Variants in MAGI1 observed in about 807,000 individuals in gnomAD.
The protein encoded by MAGI1 is membrane associated guanylate kinase, WW and PDZ domain containing 1.
In MAGI1, 58 loss-of-function variants were observed where a neutral mutation model predicts 139.9. That is an observed-to-expected ratio of 0.41 (90% confidence interval 0.34 to 0.52). MAGI1 has a LOEUF of 0.52. Ranked by LOEUF, MAGI1 falls within the 20% of genes least tolerant of loss-of-function variation. The pLI is 0.12. For synonymous variants in MAGI1, 812 were observed against 737.9 expected, an observed-to-expected ratio of 1.10 and a Z score of -1.63; for missense variants, 1,874 against 1,901.6, an observed-to-expected ratio of 0.99 and a Z score of 0.27.
At chr3:65,362,044 A>G (rs1418036747) in intron 21 of MAGI1, among the ~76,000 whole-genome samples, 1 of 152,230 alleles carries the variant, frequency 6.6e-6, no homozygotes, top group Non-Finnish European at 1.5e-5. Context: ...TCCCCACTCA[A>G]ATAGAGCTTA....
chr3:65,648,317 G>GTGCA (rs58201262), intron 1 of MAGI1, among the ~76,000 whole-genome samples: 3 of 130,748 alleles, frequency 2.3e-5, no homozygotes, highest in African/African-American at 1.2e-4. Flanking sequence ...GTGTGTGTGT[G>GTGCA]CGCGTGCGCG....
In MAGI1 at chr3:65,990,055, G is replaced by A. The variant is rs576198763; in HGVS notation, c.313+47941C>T. 5.9e-5 allele frequency among the ~76,000 whole-genome samples: 9 copies of A among 152,284 alleles called. No individual in the cohort carries two copies. The East Asian group carries it at 1.7e-3, about 29-fold the overall frequency. On this transcript the variant is annotated intron_variant, in intron 1 of 22. Transcript: ENST00000402939. ...AGTTCAAGAATGACTAAAGTCTAGA[G>A]ATCTGATGATGATGATGATGATAAT...
At chr3:66,020,128 T>A (rs947517779) in intron 1 of MAGI1, among the ~76,000 whole-genome samples, 2 of 152,214 alleles carry the variant, frequency 1.3e-5, no homozygotes, top group Non-Finnish European at 2.9e-5. Context: ...CGTTTGCCCC[T>A]GTTATCCATC....
At chr3:65,365,993 C>T (rs190338146) in intron 18 of MAGI1, among the ~76,000 whole-genome samples, 40 of 152,144 alleles carry the variant, frequency 2.6e-4, no homozygotes, top group Non-Finnish European at 4.6e-4. Flanking sequence ...AGCTTTGGTC[C>T]GGCTTCCTGT....
intron 1 of MAGI1, among the ~76,000 whole-genome samples, chr3:65,973,196 C>A (rs1002231253): frequency 6.6e-6 from 1 of 151,950 alleles, no homozygotes; most frequent in African/African-American, 2.4e-5. Context: ...AAATAAAAGG[C>A]AATTTGTTCT....
At chr3:65,830,670 T>C (rs1330653420) in intron 1 of MAGI1, among the ~76,000 whole-genome samples, 2 of 114,382 alleles carry the variant, frequency 1.7e-5, no homozygotes, top group African/African-American at 2.6e-5. Flanking sequence ...CAGTATTATA[T>C]TATGCAATCT....
chr3:65,693,506 T>C (rs2088862468), intron 1 of MAGI1, among the ~76,000 whole-genome samples: 1 of 152,120 alleles, frequency 6.6e-6, no homozygotes, highest in Non-Finnish European at 1.5e-5. Context: ...CTAAAGACAC[T>C]GGAAACTTGA....
At chr3:65,984,711 TC>T (rs35220616) in intron 1 of MAGI1, among the ~76,000 whole-genome samples, 1,524 of 20,902 alleles carry the variant, frequency 0.073, 46 homozygotes, top group African/African-American at 0.1. Context: ...AATTTTTTTT[TC>T]TTTTTTTTTT....
chr3:65,765,454 G>A (rs1331071269), intron 1 of MAGI1, among the ~76,000 whole-genome samples: 1 of 152,196 alleles, frequency 6.6e-6, no homozygotes, highest in Non-Finnish European at 1.5e-5. Context: ...AAACTTAGGA[G>A]AGGTGTACTA....
At chr3:65,578,659 C>T (rs2081280824) in intron 2 of MAGI1, among the ~76,000 whole-genome samples, 1 of 152,160 alleles carries the variant, frequency 6.6e-6, no homozygotes, top group African/African-American at 2.4e-5. Flanking sequence ...ATGGCTCACG[C>T]CTGTAATCCT....
chr3:65,974,232 T>A (rs1001459733), intron 1 of MAGI1, among the ~76,000 whole-genome samples: 1 of 151,846 alleles, frequency 6.6e-6, no homozygotes, highest in African/African-American at 2.4e-5. Flanking sequence ...CTAATCACTA[T>A]GCACTGTTCC....
At chr3:66,000,306 A>G (rs527760955) in intron 1 of MAGI1, among the ~76,000 whole-genome samples, 29 of 152,154 alleles carry the variant, frequency 1.9e-4, no homozygotes, top group African/African-American at 6.7e-4. Flanking sequence ...AAACAGCTTG[A>G]CATTCCTTCC....
Position 65,425,121 on chromosome 3 carries a change from A to AC in MAGI1, c.2167+4398_2167+4399insG, listed in dbSNP as rs1946927788. ...CAGTAGAACTTCTAAAAAAAAAAAAAAAAAAAAAAAACAAAAAAAAACACA... is the reference window on the plus strand; with the variant it reads ...CAGTAGAACTTCTAAAAAAAAAAAAACAAAAAAAAAAACAAAAAAAAACACA... On this transcript the variant is annotated intron_variant, in intron 12 of 22. Transcript: ENST00000402939. Among the ~76,000 whole-genome samples, 3 of 53,114 alleles carry AC rather than the reference A, an allele frequency of 5.6e-5. 1 individual carries two copies. Among genetic ancestry groups the AC allele is most frequent in the African/African-American group, 2.7e-4 (3 of 11,314 alleles). 34.8% of individuals were successfully genotyped at this position (53,114 alleles called of 152,430 possible).
At position 65,442,773 on chromosome 3, in the gene MAGI1, A is replaced by G. The variant is rs373034262; in HGVS notation, c.1136+19T>C. On this transcript the variant is annotated intron_variant, in intron 8 of 22. Transcript: ENST00000402939. ...TAGAGAGGTATAAACTAATGTGTGGATTGTGAATGGGCACTTACTCTACAT... is the reference window on the plus strand; with the variant it reads ...TAGAGAGGTATAAACTAATGTGTGGGTTGTGAATGGGCACTTACTCTACAT... The G allele has an allele frequency of 8.1e-6, 13 of 1,598,264 alleles. No homozygotes were observed. The highest frequency in any genetic ancestry group is 1.7e-5 in the Admixed American group (1 of 59,840).
At position 65,437,258 on chromosome 3, in the gene MAGI1, GA is replaced by G. The variant is rs1947920727; in HGVS notation, c.1271-12del. 3 of 1,570,774 alleles carry G rather than the reference GA, an allele frequency of 1.9e-6. No individual in the cohort carries two copies. The highest frequency in any genetic ancestry group is 1.7e-6 in the Non-Finnish European group (2 of 1,144,092). ...GATCTTCTGTCCATTCTATGAAAAA[GA>G]AAAGAAAGTTTCCTATTTTTCCTTC... On this transcript the variant is annotated splice_polypyrimidine_tract_variant and intron_variant, in intron 9 of 22. Transcript: ENST00000402939.
In MAGI1 at chr3:65,456,755, T is replaced by C. The variant is rs565970073; in HGVS notation, c.960-3415A>G. Among the ~76,000 whole-genome samples the C allele has an allele frequency of 3.3e-5, 5 of 152,302 alleles. No homozygotes were observed. The East Asian group carries it at 7.7e-4, about 24-fold the overall frequency. ...ATGCCTCTGGTCGTCCACTTGCTCTTGGACCATTTACTGAAAAGGCTATCT... is the reference window on the plus strand; with the variant it reads ...ATGCCTCTGGTCGTCCACTTGCTCTCGGACCATTTACTGAAAAGGCTATCT... On this transcript the variant is annotated intron_variant, in intron 5 of 22. Transcript: ENST00000402939.
chr3:65,674,934 C>T (rs2087089238), intron 1 of MAGI1, among the ~76,000 whole-genome samples: 1 of 152,174 alleles, frequency 6.6e-6, no homozygotes, highest in South Asian at 2.1e-4. Flanking sequence ...AAAATGCATT[C>T]CCAATTTGCC....
At chr3:65,491,370 T>C (rs995253805) in intron 3 of MAGI1, among the ~76,000 whole-genome samples, 1 of 152,208 alleles carries the variant, frequency 6.6e-6, no homozygotes, top group African/African-American at 2.4e-5. Context: ...ATATCATTTG[T>C]TCCATTAACA....
chr3:65,870,392 T>C (rs2059897310), intron 1 of MAGI1, among the ~76,000 whole-genome samples: 1 of 152,020 alleles, frequency 6.6e-6, no homozygotes, highest in Non-Finnish European at 1.5e-5. Context: ...GATCTCCCCA[T>C]GCACCCTGAT....
Sources: allele counts gnomAD v4.1 joint callset (sites outside exome capture counted in the v4.1 genomes callset), GRCh38; gene constraint gnomAD v4.1.1; transcripts MANE v1.5; gene names NCBI Gene and HGNC (gene_info 2026-07-23, HGNC 2026-07-21).